ATRNL1: variants seen among roughly 807,000 people sequenced by gnomAD.
The protein encoded by ATRNL1 is attractin-like protein 1.
In ATRNL1, 95 loss-of-function variants were observed where a neutral mutation model predicts 182.7. The ratio of observed to expected loss-of-function variants is 0.52; its 90% confidence interval spans 0.44 to 0.62. ATRNL1 has a LOEUF of 0.62. Among genes scored for constraint, ATRNL1 ranks in the 20% least tolerant of loss-of-function variants. The pLI is 0.00. For missense variants in ATRNL1, 1,471 were observed against 1,679.5 expected (o/e 0.88, Z 2.17); for synonymous variants, 576 against 568.3 (o/e 1.01, Z -0.19).
At chr10:115,391,783 C>CT (rs1313126507) in intron 19 of ATRNL1, among the ~76,000 whole-genome samples, 1 of 151,624 alleles carries the variant, frequency 6.6e-6, no homozygotes, top group Non-Finnish European at 1.5e-5. Flanking sequence ...TAACATCACT[C>CT]CTCTAGAGTT....
chr10:115,731,328 G>A (rs1447196298), intron 27 of ATRNL1, among the ~76,000 whole-genome samples: 1 of 152,140 alleles, frequency 6.6e-6, no homozygotes, highest in Non-Finnish European at 1.5e-5. Context: ...TTAAAATCAG[G>A]AGAGGGAACA....
chr10:115,104,817 T>C (rs1228972611), intron 1 of ATRNL1, among the ~76,000 whole-genome samples: 2 of 152,198 alleles, frequency 1.3e-5, no homozygotes, highest in Non-Finnish European at 2.9e-5. Context: ...TTCCCCAGTG[T>C]ATGTGCTTGA....
intron 25 of ATRNL1, among the ~76,000 whole-genome samples, chr10:115,538,817 A>T (rs985694908): frequency 6.6e-6 from 1 of 152,312 alleles, no homozygotes; most frequent in African/African-American, 2.4e-5. Flanking sequence ...TATACAGTCA[A>T]TGCACTACAT....
At chr10:115,177,752 A>G (rs2144135054) in intron 8 of ATRNL1, among the ~76,000 whole-genome samples, 1 of 151,472 alleles carries the variant, frequency 6.6e-6, no homozygotes, top group South Asian at 2.1e-4. Context: ...TGGGATTACA[A>G]AGTACTGTGT....
intron 27 of ATRNL1, among the ~76,000 whole-genome samples, chr10:115,804,580 C>T (rs1242853296): frequency 2.0e-5 from 3 of 152,150 alleles, no homozygotes; most frequent in Non-Finnish European, 1.5e-5. Flanking sequence ...TCTCTTCAGC[C>T]TCTAAAACTG....
intron 21 of ATRNL1, among the ~76,000 whole-genome samples, chr10:115,445,065 C>T (rs1846893109): frequency 6.6e-6 from 1 of 152,044 alleles, no homozygotes; most frequent in East Asian, 1.9e-4. Flanking sequence ...TGAATGGGGA[C>T]AGCATTGCTG....
At chr10:115,641,530 G>T (rs7083233) in intron 26 of ATRNL1, among the ~76,000 whole-genome samples, 70,072 of 151,884 alleles carry the variant, frequency 0.46, 17,857 homozygotes, top group East Asian at 0.84. Flanking sequence ...AACAAATCAG[G>T]TTGTTTAAGA....
chr10:115,384,596 A>C (rs1349410974), intron 19 of ATRNL1, among the ~76,000 whole-genome samples: 1 of 151,940 alleles, frequency 6.6e-6, no homozygotes, highest in Non-Finnish European at 1.5e-5. Context: ...TTTCATATAC[A>C]CTTAAATTTG....
At chr10:115,932,568 A>AT (rs1478239579) in intron 28 of ATRNL1, among the ~76,000 whole-genome samples, 5 of 152,162 alleles carry the variant, frequency 3.3e-5, no homozygotes, top group Non-Finnish European at 4.4e-5. Flanking sequence ...GAGTGTTTGC[A>AT]TAATTTTTTC....
At chr10:115,312,404 A>G (rs1303639192) in intron 17 of ATRNL1, among the ~76,000 whole-genome samples, 8 of 152,150 alleles carry the variant, frequency 5.3e-5, no homozygotes, top group Admixed American at 3.3e-4. Context: ...GCTGGCAGTT[A>G]TTCTGCTTAA....
At chr10:115,150,201 C>T (rs1554880261) in intron 5 of ATRNL1, among the ~76,000 whole-genome samples, 2 of 151,638 alleles carry the variant, frequency 1.3e-5, no homozygotes, top group African/African-American at 2.4e-5. Context: ...TGTCCTTTTA[C>T]ATTTCTGATT....
intron 10 of ATRNL1, among the ~76,000 whole-genome samples, chr10:115,248,547 A>G (rs782398869): frequency 1.3e-5 from 2 of 152,182 alleles, no homozygotes; most frequent in African/African-American, 2.4e-5. Flanking sequence ...CTACCAAAGC[A>G]ACAGGACATA....
chr10:115,734,850 C>T (rs1488533655), intron 27 of ATRNL1, among the ~76,000 whole-genome samples: 1 of 151,982 alleles, frequency 6.6e-6, no homozygotes, highest in Non-Finnish European at 1.5e-5. Flanking sequence ...AATTGATTTG[C>T]ATGTTATAAA....
At position 115,381,432 on chromosome 10, in the gene ATRNL1, ATT is replaced by A. The variant is rs375127246; in HGVS notation, c.3176-13211_3176-13210del. Among the ~76,000 whole-genome samples, 59 of 68,526 alleles carry A rather than the reference ATT, an allele frequency of 8.6e-4. 8 individuals carry two copies. In the Middle Eastern group the frequency reaches 0.057, roughly 66 times the overall value. The allele number at this position is 68,526 out of a possible 152,430, so 45.0% of individuals were successfully genotyped here. Reference sequence around the variant, plus strand: ...CAGGCACATGCCACCATACCTGGCAATTTTTTTTTTTTTTTTTAGTAGACATG... The same window carrying A: ...CAGGCACATGCCACCATACCTGGCAATTTTTTTTTTTTTTTAGTAGACATG... On this transcript the variant is annotated intron_variant, in intron 19 of 28. Transcript: ENST00000355044.
At chr10:115,893,089 T>A (rs965297406) in intron 28 of ATRNL1, among the ~76,000 whole-genome samples, 2 of 152,166 alleles carry the variant, frequency 1.3e-5, no homozygotes, top group Admixed American at 6.5e-5. Context: ...ATAAAGAATG[T>A]GTAGAGGCCA....
Position 115,519,268 on chromosome 10 carries a change from A to T in ATRNL1, c.3660A>T (p.Ala1220=). Reference sequence around the variant, plus strand: ...TTTTTATTTTGATTTTTCAGATTGCATTCTCACAACACAATACAATCATGG... The same window carrying T: ...TTTTTATTTTGATTTTTCAGATTGCTTTCTCACAACACAATACAATCATGG... ...NFSWPIKIQI[A]FSQHNTIMDL... The change falls in exon 25 of 29, where the codon GCA becomes GCT. Residue 1220 remains alanine (A), a synonymous_variant. Transcript: ENST00000355044. 1 of 1,610,676 alleles carries T rather than the reference A, an allele frequency of 6.2e-7. No individual in the cohort carries two copies. Among genetic ancestry groups the T allele is most frequent in the Non-Finnish European group, 8.5e-7 (1 of 1,178,520 alleles).
intron 27 of ATRNL1, among the ~76,000 whole-genome samples, chr10:115,813,836 A>C (rs1950103799): frequency 6.6e-6 from 1 of 152,196 alleles, no homozygotes; most frequent in South Asian, 2.1e-4. Context: ...TATAGCAGAC[A>C]TTTTTAAATA....
At chr10:115,792,673 C>A (rs1352570751) in intron 27 of ATRNL1, among the ~76,000 whole-genome samples, 3 of 151,230 alleles carry the variant, frequency 2.0e-5, no homozygotes, top group Non-Finnish European at 4.4e-5. Flanking sequence ...AAAGGATATT[C>A]AAAATGTTAT....
intron 18 of ATRNL1, among the ~76,000 whole-genome samples, chr10:115,331,083 G>A (rs1469503623): frequency 2.0e-5 from 3 of 150,606 alleles, no homozygotes; most frequent in South Asian, 2.1e-4. Context: ...TTTTTGAGAC[G>A]GAGTCTTGCT....
Sources: gnomAD v4.1 joint callset for allele counts (sites outside exome capture counted in the v4.1 genomes callset) on GRCh38, gnomAD v4.1.1 for gene constraint, MANE v1.5 for transcripts, NCBI Gene and HGNC (gene_info 2026-07-23, HGNC 2026-07-21) for gene names.